Variants in CADM2 observed in about 807,000 individuals in gnomAD.
The protein encoded by CADM2 is cell adhesion molecule 2, also known as immunoglobulin superfamily member 4D.
In CADM2, 12 loss-of-function variants were observed where a neutral mutation model predicts 49.8. That is an observed-to-expected ratio of 0.24 (90% CI 0.15 to 0.39). CADM2 has a LOEUF of 0.39. Ranked by LOEUF, CADM2 falls within the 10% of genes least tolerant of loss-of-function variation. CADM2 has a pLI of 1.00. For missense variants in CADM2, 378 were observed against 492.3 expected (o/e 0.77, Z 2.20); for synonymous variants, 214 against 175.4 (o/e 1.22, Z -1.74).
chr3:85,063,228 C>T (rs1395586591), intron 1 of CADM2, among the ~76,000 whole-genome samples: 1 of 151,812 alleles, frequency 6.6e-6, no homozygotes, highest in Non-Finnish European at 1.5e-5. Context: ...ATATTTCTAT[C>T]AAACTTCAAT....
chr3:85,382,737 A>G lies in CADM2; in HGVS notation c.62-343785A>G, dbSNP rs565238543. Among the ~76,000 whole-genome samples, 60 of 152,332 alleles carry G rather than the reference A, an allele frequency of 3.9e-4. 1 individual carries two copies. Among genetic ancestry groups the G allele is most frequent in the East Asian group, 1.9e-4 (1 of 5,188 alleles). On this transcript the variant is annotated intron_variant, in intron 1 of 9. Transcript: ENST00000383699. ...TCTTATATTTTACAACATTATTGGTATATACTAGTTACTCAGCTATAATAA... is the reference window on the plus strand; with the variant it reads ...TCTTATATTTTACAACATTATTGGTGTATACTAGTTACTCAGCTATAATAA...
At chr3:85,641,067 G>A in intron 1 of CADM2, among the ~76,000 whole-genome samples, 1 of 152,106 alleles carries the variant, frequency 6.6e-6, no homozygotes, top group East Asian at 1.9e-4. Flanking sequence ...TTGTAACATA[G>A]AGCATGTTAA....
At chr3:85,623,464 C>T (rs1308511793) in intron 1 of CADM2, among the ~76,000 whole-genome samples, 2 of 152,092 alleles carry the variant, frequency 1.3e-5, no homozygotes, top group African/African-American at 4.8e-5. Flanking sequence ...TTAGTTTTCT[C>T]TTTCCAGGTA....
At chr3:85,712,599 C>G (rs113451988) in intron 1 of CADM2, among the ~76,000 whole-genome samples, 1 of 152,098 alleles carries the variant, frequency 6.6e-6, no homozygotes, top group African/African-American at 2.4e-5. Flanking sequence ...AGTACTGTTA[C>G]CTATTGACAT....
In CADM2 at chr3:85,726,568, G is replaced by T. The variant is rs371022951; in HGVS notation, c.88+20G>T. ...TTAAAGGTGAGCTCCTGTTTATTCT[G>T]CATGAGTCATCATCATTCATTTTTC... On this transcript the variant is annotated intron_variant, in intron 2 of 9. Coordinates refer to ENST00000383699, the MANE Select transcript of CADM2 (RefSeq NM_001167675.2). 4.6e-5 allele frequency: 73 copies of T among 1,592,608 alleles called. No homozygotes were observed. Among genetic ancestry groups the T allele is most frequent in the Non-Finnish European group, 6.1e-5 (71 of 1,161,724 alleles).
At chr3:84,977,264 G>A (rs980730785) in intron 1 of CADM2, among the ~76,000 whole-genome samples, 2 of 151,934 alleles carry the variant, frequency 1.3e-5, no homozygotes, top group Non-Finnish European at 2.9e-5. Flanking sequence ...CATTGCACAT[G>A]GTGAAAGAGA....
chr3:85,058,124 A>G (rs1412156725), intron 1 of CADM2, among the ~76,000 whole-genome samples: 1 of 152,198 alleles, frequency 6.6e-6, no homozygotes, highest in Non-Finnish European at 1.5e-5. Flanking sequence ...ATGCACATGT[A>G]TGTAAACTAT....
intron 1 of CADM2, among the ~76,000 whole-genome samples, chr3:84,963,774 G>A (rs964141192): frequency 2.0e-5 from 3 of 152,074 alleles, no homozygotes; most frequent in African/African-American, 4.8e-5. Flanking sequence ...TACACTTAAT[G>A]AAATACTTAC....
At chr3:85,502,566 TTAAACATG>T (rs2040163087) in intron 1 of CADM2, among the ~76,000 whole-genome samples, 1 of 152,158 alleles carries the variant, frequency 6.6e-6, no homozygotes, top group Non-Finnish European at 1.5e-5. Context: ...GGAAGGGCTT[TTAAACATG>T]TCCAAAATGT....
intron 2 of CADM2, among the ~76,000 whole-genome samples, chr3:85,792,128 A>G (rs1310411784): frequency 2.0e-5 from 3 of 152,232 alleles, no homozygotes; most frequent in Non-Finnish European, 4.4e-5. Flanking sequence ...ATATAAGAAC[A>G]GTATTTTTGT....
intron 8 of CADM2, among the ~76,000 whole-genome samples, chr3:86,039,513 C>T (rs1328852222): frequency 1.3e-5 from 2 of 152,150 alleles, no homozygotes; most frequent in Non-Finnish European, 2.9e-5. Context: ...CATCAAACTG[C>T]AAGGTGGCAG....
At chr3:85,215,878 A>G (rs2107780824) in intron 1 of CADM2, among the ~76,000 whole-genome samples, 1 of 152,138 alleles carries the variant, frequency 6.6e-6, no homozygotes, top group African/African-American at 2.4e-5. Context: ...AAATCTGACC[A>G]TCACTGTGTT....
chr3:85,495,029 T>C lies in CADM2; in HGVS notation c.62-231493T>C, dbSNP rs114720291. Among the ~76,000 whole-genome samples, 1,315 of 152,332 alleles carry C rather than the reference T, an allele frequency of 8.6e-3. 24 individuals carry two copies. Among genetic ancestry groups the C allele is most frequent in the African/African-American group, 0.03 (1,268 of 41,578 alleles). Reference sequence around the variant, plus strand: ...TAGTGCATTTTTTCTAACACCTCTGTGTTCATGTGTATGTAATTTTATTTT... The same window carrying C: ...TAGTGCATTTTTTCTAACACCTCTGCGTTCATGTGTATGTAATTTTATTTT... On this transcript the variant is annotated intron_variant, in intron 1 of 9. Transcript: ENST00000383699.
At chr3:86,039,171 C>T (rs925752894) in intron 8 of CADM2, among the ~76,000 whole-genome samples, 1 of 152,078 alleles carries the variant, frequency 6.6e-6, no homozygotes, top group Non-Finnish European at 1.5e-5. Flanking sequence ...TTCTGCATGT[C>T]CAACTGTGGT....
chr3:85,715,868 G>A (rs1016457550), intron 1 of CADM2, among the ~76,000 whole-genome samples: 2 of 152,178 alleles, frequency 1.3e-5, no homozygotes, highest in African/African-American at 4.8e-5. Context: ...GTATTCCATG[G>A]TGTATATGTG....
Position 85,291,835 on chromosome 3 carries a change from T to A in CADM2, c.61+332167T>A, listed in dbSNP as rs1190527975. Among the ~76,000 whole-genome samples, 6 of 147,878 alleles carry A rather than the reference T, an allele frequency of 4.1e-5. 1 individual carries two copies. Among genetic ancestry groups the A allele is most frequent in the African/African-American group, 1.6e-4 (6 of 37,470 alleles). On this transcript the variant is annotated intron_variant, in intron 1 of 9. Transcript: ENST00000383699. ...ACTGGTACCAGCCGCTGCAAAATCA[T>A]GCCAAAATGTAAAGACCATCGAGAC...
chr3:85,704,637 C>T (rs892768535), intron 1 of CADM2, among the ~76,000 whole-genome samples: 7 of 152,032 alleles, frequency 4.6e-5, no homozygotes, highest in African/African-American at 1.7e-4. Context: ...CACCTCCTAA[C>T]ATCATCACAG....
At chr3:85,576,172 A>G (rs949138925) in intron 1 of CADM2, among the ~76,000 whole-genome samples, 1 of 152,250 alleles carries the variant, frequency 6.6e-6, no homozygotes, top group South Asian at 2.1e-4. Flanking sequence ...TTAGTTATGT[A>G]AACATTAAAT....
At chr3:85,341,278 TAAG>T (rs2045232727) in intron 1 of CADM2, among the ~76,000 whole-genome samples, 1 of 151,808 alleles carries the variant, frequency 6.6e-6, no homozygotes, top group African/African-American at 2.4e-5. Flanking sequence ...AAGAGAGAAA[TAAG>T]GAGGAAATGA....
Sources: gnomAD v4.1 joint callset for allele counts (sites outside exome capture counted in the v4.1 genomes callset) on GRCh38, gnomAD v4.1.1 for gene constraint, MANE v1.5 for transcripts, NCBI Gene and HGNC (gene_info 2026-07-23, HGNC 2026-07-21) for gene names.